The following ZNF728 variants were observed in gnomAD, a reference collection of about 807,000 sequenced individuals.
The protein encoded by ZNF728 is zinc finger protein 728.
In ZNF728, 12 loss-of-function variants were observed where a neutral mutation model predicts 12.5. The observed-to-expected ratio is 0.96, with a 90% CI of 0.61 to 1.55. The LOEUF is 1.55. ZNF728 is among the 40% of genes most tolerant of loss of function. ZNF728 has a pLI of 0.00. For synonymous variants in ZNF728, 205 were observed against 240.7 expected (o/e 0.85, Z 1.37); for missense variants, 692 against 719.2 (o/e 0.96, Z 0.43).
At chr19:22,988,019 T>C (rs981060545) in intron 2 of ZNF728, among the ~76,000 whole-genome samples, 1 of 151,864 alleles carries the variant, frequency 6.6e-6, no homozygotes, top group African/African-American at 2.4e-5. Flanking sequence ...CTTCTTGAGG[T>C]TATCTACTGG....
chr19:22,981,092 G>T (rs1449185221), intron 3 of ZNF728, among the ~76,000 whole-genome samples: 1 of 147,800 alleles, frequency 6.8e-6, no homozygotes, highest in African/African-American at 2.6e-5. Context: ...ATGAATCCAG[G>T]GGCTGATTTT....
At chr19:23,001,169 A>C (rs1969110327) in intron 1 of ZNF728, among the ~76,000 whole-genome samples, 1 of 152,174 alleles carries the variant, frequency 6.6e-6, no homozygotes, top group Non-Finnish European at 1.5e-5. Context: ...CAAACCTTTT[A>C]CCATTTTTAT....
rs770570293 is a variant in ZNF728, at chr19:22,976,424, T to C, written c.913A>G (p.Ile305Val). The change falls in exon 4 of 4, where the codon ATT becomes GTT. Residue 305 changes from isoleucine (I) to valine (V), a missense_variant. Physicochemically the swap from Ile to Val is conservative, Grantham distance 29. Coordinates refer to ENST00000594710, the MANE Select transcript of ZNF728 (RefSeq NM_001267716.2). ...TTGTAGGGTTTCTCTCCAGCATGAA[T>C]TGTCTTATGTGCAGTAAGGGTTGAG... is the stretch of plus-strand genomic sequence containing the variant. ...KASTLTAHKT[I>V]HAGEKPYKCE... 2.8e-5 allele frequency: 45 copies of C among 1,613,116 alleles called. No individual in the cohort carries two copies. The highest frequency in any genetic ancestry group is 3.6e-5 in the Non-Finnish European group (42 of 1,179,934).
At chr19:22,981,144 A>C (rs1968858132) in intron 3 of ZNF728, among the ~76,000 whole-genome samples, 1 of 152,182 alleles carries the variant, frequency 6.6e-6, no homozygotes, top group East Asian at 1.9e-4. Flanking sequence ...AGCCAGTCTA[A>C]TAAAGAAGAA....
intron 1 of ZNF728, chr19:22,995,115 G>A (rs1015635084): frequency 1.3e-5 from 2 of 152,266 alleles, no homozygotes; most frequent in African/African-American, 2.4e-5. Flanking sequence ...GCTGGGTTTT[G>A]GCATGAGTCC....
rs761842437 is a variant in ZNF728 at position 22,988,501 on chromosome 19, A to G, written c.4-50T>C. On this transcript the variant is annotated intron_variant, in intron 1 of 3. Coordinates refer to ENST00000594710, the MANE Select transcript of ZNF728 (RefSeq NM_001267716.2). The stretch of plus-strand genomic sequence containing the variant: ...TATTTACCAAGTGGTCATGGGCAGA[A>G]TTTTTAATTTGACTCAAGGTAAAAT... 10 of 1,599,442 alleles carry G rather than the reference A, an allele frequency of 6.3e-6. No individual in the cohort carries two copies. The African/African-American group carries it at 1.2e-4, about 19-fold the overall frequency.
intron 1 of ZNF728, among the ~76,000 whole-genome samples, chr19:22,993,574 A>G (rs1025889725): frequency 6.6e-6 from 1 of 152,222 alleles, no homozygotes; most frequent in African/African-American, 2.4e-5. Context: ...CCACGCTTTC[A>G]TTAGCAGCAC....
intron 1 of ZNF728, among the ~76,000 whole-genome samples, chr19:23,001,906 T>C (rs545943535): frequency 6.6e-6 from 1 of 152,304 alleles, no homozygotes; most frequent in Non-Finnish European, 1.5e-5. Flanking sequence ...CTTGAGGCCC[T>C]ACTTGGGACA....
At chr19:22,978,172 C>T (rs1968825692) in intron 3 of ZNF728, among the ~76,000 whole-genome samples, 1 of 151,644 alleles carries the variant, frequency 6.6e-6, no homozygotes, top group Non-Finnish European at 1.5e-5. Context: ...TGAACAGTTA[C>T]AGACAAAAAG....
At chr19:22,992,392 G>A (rs1206485929) in intron 1 of ZNF728, among the ~76,000 whole-genome samples, 1 of 151,872 alleles carries the variant, frequency 6.6e-6, no homozygotes, top group East Asian at 1.9e-4. Flanking sequence ...ATAGGCATGA[G>A]CCACCACACC....
chr19:22,995,366 A>T (rs1203669202), intron 1 of ZNF728: 1 of 152,034 alleles, frequency 6.6e-6, no homozygotes, highest in African/African-American at 2.4e-5. Flanking sequence ...CTCTCCAAAC[A>T]CCCAAGTGCA....
intron 1 of ZNF728, among the ~76,000 whole-genome samples, chr19:23,002,114 A>G (rs1188364682): frequency 1.3e-5 from 2 of 152,198 alleles, no homozygotes; most frequent in African/African-American, 4.8e-5. Context: ...TCAGGAGTTC[A>G]AGACCAGCCT....
chr19:22,978,421 T>C (rs1225632398), intron 3 of ZNF728, among the ~76,000 whole-genome samples: 3 of 152,222 alleles, frequency 2.0e-5, no homozygotes, highest in African/African-American at 7.2e-5. Flanking sequence ...GCACTGCATA[T>C]GTCTTCCATA....
At chr19:22,982,505 A>G (rs1252036818) in intron 3 of ZNF728, among the ~76,000 whole-genome samples, 16 of 152,332 alleles carry the variant, frequency 1.1e-4, no homozygotes, top group Admixed American at 2.6e-4. Flanking sequence ...ACAGATTTTG[A>G]AAAAACTAAA....
intron 1 of ZNF728, among the ~76,000 whole-genome samples, chr19:22,990,966 C>A (rs1968980820): frequency 6.6e-6 from 1 of 152,110 alleles, no homozygotes; most frequent in Admixed American, 6.6e-5. Flanking sequence ...ACAAATGGGT[C>A]TTTTAAACAA....
chr19:22,993,146 A>T (rs1051399619), intron 1 of ZNF728, among the ~76,000 whole-genome samples: 4 of 152,196 alleles, frequency 2.6e-5, no homozygotes, highest in African/African-American at 9.6e-5. Context: ...TTACTCCGGG[A>T]GCCTCTCACA....
chr19:22,988,383 T>G lies in ZNF728; in HGVS notation c.72A>C (p.Ala24=). The G allele has an allele frequency of 6.2e-7, 1 of 1,614,198 alleles. No homozygotes were observed. Among genetic ancestry groups the G allele is most frequent in the Admixed American group, 1.7e-5 (1 of 60,030 alleles). The change falls in exon 2 of 4, where the codon GCA becomes GCC. Residue 24 remains alanine, a synonymous_variant. Coordinates refer to ENST00000594710, the MANE Select transcript of ZNF728 (RefSeq NM_001267716.2). ...TCACATTCCTATATAAATTCTGCTGTGCAGTGTCCAGGCATTGCCACTCCT... is the reference window on the plus strand; with the variant it reads ...TCACATTCCTATATAAATTCTGCTGGGCAGTGTCCAGGCATTGCCACTCCT... The part of the protein sequence containing the change: ...SLEEWQCLDT[A]QQNLYRNVML...
chr19:22,987,153 C>T (rs749121049), intron 3 of ZNF728, among the ~76,000 whole-genome samples, 155 bp downstream of exon 3: 1 of 152,078 alleles, frequency 6.6e-6, no homozygotes, highest in African/African-American at 2.4e-5. Context: ...ACAGAAGATG[C>T]CACTGTGTGA....
chr19:22,984,004 T>TA (rs1298225848), intron 3 of ZNF728, among the ~76,000 whole-genome samples: 5 of 151,536 alleles, frequency 3.3e-5, no homozygotes, highest in South Asian at 2.1e-4. Flanking sequence ...TAAAGTATAA[T>TA]AAAAAAAATC....
Sources: gnomAD v4.1 joint callset for allele counts (sites outside exome capture counted in the v4.1 genomes callset) on GRCh38, gnomAD v4.1.1 for gene constraint, MANE v1.5 for transcripts, NCBI Gene and HGNC (gene_info 2026-07-23, HGNC 2026-07-21) for gene names.